The following RAB31 variants were observed in gnomAD, a reference collection of about 807,000 sequenced individuals.
RAB31 encodes RAB31, member RAS oncogene family.
In RAB31, 21 loss-of-function variants were observed where a neutral mutation model predicts 25.6. The observed-to-expected ratio is 0.82, with a 90% CI of 0.58 to 1.18. The LOEUF is 1.18. Ranked by LOEUF, RAB31 falls within the 50% of genes most tolerant of loss-of-function variation. RAB31 has a pLI of 0.00. For synonymous variants in RAB31, 87 were observed against 84.0 expected (o/e 1.04, Z -0.20); for missense variants, 196 against 250.1 (o/e 0.78, Z 1.46).
At chr18:9,820,380 A>T (rs562026659) in intron 5 of RAB31, among the ~76,000 whole-genome samples, 11 of 152,156 alleles carry the variant, frequency 7.2e-5, no homozygotes, top group African/African-American at 2.6e-4. Context: ...AATCCTTTTT[A>T]TACATTGCTG....
intron 1 of RAB31, among the ~76,000 whole-genome samples, chr18:9,719,650 A>C (rs2145457609): frequency 6.6e-6 from 1 of 151,988 alleles, no homozygotes; most frequent in East Asian, 1.9e-4. Flanking sequence ...GACCAATGTC[A>C]ACCTCACCAT....
At chr18:9,716,794 G>T (rs2068046327) in intron 1 of RAB31, among the ~76,000 whole-genome samples, 1 of 152,130 alleles carries the variant, frequency 6.6e-6, no homozygotes, top group Non-Finnish European at 1.5e-5. Context: ...ACCCAGGCTG[G>T]AATGCAGTGG....
At chr18:9,747,818 C>T (rs1002307857) in intron 1 of RAB31, among the ~76,000 whole-genome samples, 1 of 152,216 alleles carries the variant, frequency 6.6e-6, no homozygotes, top group Non-Finnish European at 1.5e-5. Flanking sequence ...CTAAATGCCA[C>T]TGAGTTGTTC....
rs181357289 is a variant in RAB31, at chr18:9,845,221, T to A, written c.381-361T>A. ...GTGTGCACAAACATACTAACAGAGG[T>A]TTGGTGTTTTTTAATATTGAGTCAT... On this transcript the variant is annotated intron_variant, in intron 5 of 6. Coordinates refer to ENST00000578921, the MANE Select transcript of RAB31 (RefSeq NM_006868.4). Among the ~76,000 whole-genome samples, 754 of 152,066 alleles carry A rather than the reference T, an allele frequency of 5.0e-3. 5 individuals carry two copies. The highest frequency in any genetic ancestry group is 8.6e-3 in the Non-Finnish European group (587 of 67,992).
chr18:9,721,454 A>C (rs2068073261), intron 1 of RAB31, among the ~76,000 whole-genome samples: 1 of 152,098 alleles, frequency 6.6e-6, no homozygotes, highest in Non-Finnish European at 1.5e-5. Flanking sequence ...TCTCTACCAA[A>C]AAATATAAAA....
At chr18:9,857,482 T>G (rs1009656671) in intron 6 of RAB31, among the ~76,000 whole-genome samples, 1 of 152,066 alleles carries the variant, frequency 6.6e-6, no homozygotes, top group East Asian at 1.9e-4. Context: ...CTGTACTGTT[T>G]TCTAAGCAAA....
rs948199403 is a variant in RAB31, at chr18:9,860,362, A to C, written c.*1037A>C. On this transcript the variant is annotated 3_prime_UTR_variant, in exon 7 of 7. Coordinates refer to ENST00000578921, the MANE Select transcript of RAB31 (RefSeq NM_006868.4). Reference sequence around the variant, plus strand: ...CTAGACCCCAAAAAACTACAAAATCAGAAAAAGTATTTTTATGTTTCTAGC... The same window carrying C: ...CTAGACCCCAAAAAACTACAAAATCCGAAAAAGTATTTTTATGTTTCTAGC... 4 of 152,370 alleles carry C rather than the reference A, an allele frequency of 2.6e-5. No homozygotes were observed. The highest frequency in any genetic ancestry group is 9.6e-5 in the African/African-American group (4 of 41,580). 9.4% of individuals were successfully genotyped at this position (152,370 alleles called of 1,614,324 possible).
At chr18:9,813,950 T>C (rs1599050612) in intron 3 of RAB31, 70 bp from the exon 4 acceptor site, 3 of 1,098,294 alleles carry the variant, frequency 2.7e-6, no homozygotes, top group South Asian at 2.7e-5. Context: ...GGATAAAACG[T>C]TTATGTTTAA....
intron 5 of RAB31, among the ~76,000 whole-genome samples, chr18:9,837,168 C>T (rs1281452861): frequency 1.3e-5 from 2 of 151,382 alleles, no homozygotes; most frequent in East Asian, 1.9e-4. Context: ...ATGTGAGGAA[C>T]GGGGGAAAAC....
At chr18:9,811,648 A>G (rs928152519) in intron 3 of RAB31, among the ~76,000 whole-genome samples, 2 of 152,176 alleles carry the variant, frequency 1.3e-5, no homozygotes, top group South Asian at 2.1e-4. Flanking sequence ...AAATGTAAAA[A>G]TCGCTGGAAA....
intron 2 of RAB31, chr18:9,787,818 A>G (rs1258366439): frequency 6.6e-6 from 1 of 152,256 alleles, no homozygotes; most frequent in African/African-American, 2.4e-5. Context: ...CTCACAAGAC[A>G]TCGAAATAAG....
intron 3 of RAB31, among the ~76,000 whole-genome samples, chr18:9,794,843 A>AC (rs1198851187): frequency 6.6e-6 from 1 of 151,980 alleles, no homozygotes; most frequent in African/African-American, 2.4e-5. Context: ...AAAACAAAAA[A>AC]CAAAAAAAGC....
At chr18:9,769,248 T>A (rs1386551829) in intron 1 of RAB31, among the ~76,000 whole-genome samples, 2 of 152,216 alleles carry the variant, frequency 1.3e-5, no homozygotes, top group Non-Finnish European at 2.9e-5. Context: ...ATTGGTAGCT[T>A]GATGGGGATA....
At position 9,827,571 on chromosome 18, in the gene RAB31, T is replaced by C. The variant is rs2068656123; in HGVS notation, c.380+12349T>C. Among the ~76,000 whole-genome samples, 5 of 151,994 alleles carry C rather than the reference T, an allele frequency of 3.3e-5. 1 individual carries two copies. The South Asian group carries it at 1.0e-3, about 31-fold the overall frequency. On this transcript the variant is annotated intron_variant, in intron 5 of 6. Coordinates refer to ENST00000578921, the MANE Select transcript of RAB31 (RefSeq NM_006868.4). ...TTCTGAGGGATGGAATCATGGTCTC[T>C]TAACATCTTACGGAAGCACTCTGGT...
chr18:9,748,643 A>G (rs976693023), intron 1 of RAB31, among the ~76,000 whole-genome samples: 12 of 152,178 alleles, frequency 7.9e-5, no homozygotes, highest in Non-Finnish European at 1.2e-4. Context: ...CTGTAATCCC[A>G]GCACTTTGGG....
chr18:9,853,044 T>C (rs2068797060), intron 6 of RAB31, among the ~76,000 whole-genome samples: 1 of 152,246 alleles, frequency 6.6e-6, no homozygotes, highest in Non-Finnish European at 1.5e-5. Flanking sequence ...GAAGAGCCTC[T>C]TCAAATTTTA....
chr18:9,790,122 A>G (rs1278722446), intron 2 of RAB31, among the ~76,000 whole-genome samples: 1 of 152,186 alleles, frequency 6.6e-6, no homozygotes, highest in Non-Finnish European at 1.5e-5. Context: ...ATAAGAACAT[A>G]ATGAGGACAC....
At chr18:9,831,091 C>T (rs1244406547) in intron 5 of RAB31, among the ~76,000 whole-genome samples, 3 of 152,164 alleles carry the variant, frequency 2.0e-5, no homozygotes, top group East Asian at 1.9e-4. Context: ...ATACCTTTAT[C>T]GTGAGTCTTG....
At chr18:9,759,672 C>A (rs868454447) in intron 1 of RAB31, among the ~76,000 whole-genome samples, 12 of 152,006 alleles carry the variant, frequency 7.9e-5, no homozygotes, top group Non-Finnish European at 1.5e-4. Context: ...ATATGCTTGC[C>A]GGAGGTCAAG....
Sources: allele counts gnomAD v4.1 joint callset (sites outside exome capture counted in the v4.1 genomes callset), GRCh38; gene constraint gnomAD v4.1.1; transcripts MANE v1.5; gene names NCBI Gene and HGNC (gene_info 2026-07-23, HGNC 2026-07-21).